CCPG1: variants seen among roughly 807,000 people sequenced by gnomAD.
The protein encoded by CCPG1 is cell cycle progression 1, also known as cell cycle progression protein 1.
In CCPG1, 46 loss-of-function variants were observed where a neutral mutation model predicts 81.3. The ratio of observed to expected loss-of-function variants is 0.57; its 90% CI spans 0.45 to 0.72. The LOEUF is 0.72. Ranked by LOEUF, CCPG1 falls within the 30% of genes least tolerant of loss-of-function variation. The probability of loss-of-function intolerance (pLI) is 0.00; values close to 1 mark genes in which losing one functional copy is unlikely to be tolerated. For synonymous variants in CCPG1, 330 were observed against 305.2 expected (o/e 1.08, Z -0.85); for missense variants, 902 against 937.6 (o/e 0.96, Z 0.50).
chr15:55,363,463 A>C (rs1353070041), intron 7 of CCPG1, among the ~76,000 whole-genome samples: 1 of 150,838 alleles, frequency 6.6e-6, no homozygotes, highest in African/African-American at 2.4e-5. Context: ...CTATGGAACC[A>C]GAAAACACTG....
chr15:55,363,129 C>T (rs2056239725), intron 7 of CCPG1, among the ~76,000 whole-genome samples: 1 of 152,046 alleles, frequency 6.6e-6, no homozygotes, highest in Admixed American at 6.6e-5. Flanking sequence ...AGGCAGATTA[C>T]CTGAGGTCAG....
chr15:55,383,595 T>G (rs1685761132), intron 3 of CCPG1, among the ~76,000 whole-genome samples: 1 of 152,232 alleles, frequency 6.6e-6, no homozygotes, highest in Admixed American at 6.5e-5. Flanking sequence ...AATCTGCTGG[T>G]TGGGGTAGCC....
intron 1 of CCPG1, among the ~76,000 whole-genome samples, chr15:55,405,852 G>GT (rs1303760934): frequency 1.3e-5 from 2 of 152,178 alleles, no homozygotes; most frequent in Non-Finnish European, 2.9e-5. Flanking sequence ...CTTTGCCTGT[G>GT]TTTTTTACTG....
At chr15:55,379,240 G>A (rs1295184760) in intron 3 of CCPG1, among the ~76,000 whole-genome samples, 1 of 149,616 alleles carries the variant, frequency 6.7e-6, no homozygotes, top group Non-Finnish European at 1.5e-5. Context: ...CAAGGACTCA[G>A]GCGGGGTGCA....
intron 8 of CCPG1, chr15:55,357,504 C>T (rs979689736): frequency 3.5e-6 from 3 of 868,918 alleles, no homozygotes; most frequent in Non-Finnish European, 4.1e-6. Flanking sequence ...GTTTCCGTTA[C>T]CTGTGGTCAA....
intron 2 of CCPG1, among the ~76,000 whole-genome samples, chr15:55,389,068 C>CAAAAAAA (rs373917631): frequency 0.011 from 645 of 56,152 alleles, 69 homozygotes; most frequent in African/African-American, 0.031. Context: ...GACTCTGTCT[C>CAAAAAAA]AAAAAAAAAA....
Position 55,355,890 on chromosome 15 carries a change from T to A in CCPG1, c.*330A>T, listed in dbSNP as rs2056068656. 3.2e-6 allele frequency: 1 copy of A among 308,542 alleles called. No homozygotes were observed. The highest frequency in any genetic ancestry group is 5.4e-5 in the South Asian group (1 of 18,426). The allele number at this position is 308,542 out of a possible 1,614,324, so 19.1% of individuals were successfully genotyped here. A position where few individuals can be genotyped will look rare whatever the true frequency, so the allele number is the denominator to read the frequency against. Reference sequence around the variant, plus strand: ...AAACATCAGTGTTAATTACACTTTGTCATGTATGACTGAGCTTGCTTTAAG... The same window carrying A: ...AAACATCAGTGTTAATTACACTTTGACATGTATGACTGAGCTTGCTTTAAG... On this transcript the variant is annotated 3_prime_UTR_variant, in exon 9 of 9. Coordinates refer to ENST00000442196, the MANE Select transcript of CCPG1 (RefSeq NM_001204450.2).
At chr15:55,391,753 G>A (rs189619106) in intron 1 of CCPG1, among the ~76,000 whole-genome samples, 40 of 152,030 alleles carry the variant, frequency 2.6e-4, no homozygotes, top group African/African-American at 9.6e-4. Flanking sequence ...CTACCTGGGA[G>A]ACTGAGGAAG....
chr15:55,387,610 A>T (rs111475303), intron 2 of CCPG1, among the ~76,000 whole-genome samples: 26,878 of 151,044 alleles, frequency 0.18, 4,122 homozygotes, highest in African/African-American at 0.42. Flanking sequence ...AATGGCACGA[A>T]CTCTGCTCAC....
At chr15:55,379,144 G>A (rs998944390) in intron 3 of CCPG1, among the ~76,000 whole-genome samples, 2 of 134,982 alleles carry the variant, frequency 1.5e-5, no homozygotes, top group East Asian at 3.9e-4. Flanking sequence ...ATTTATGAAA[G>A]TATGTATGTA....
intron 3 of CCPG1, among the ~76,000 whole-genome samples, chr15:55,383,651 G>A (rs141651029): frequency 2.1e-3 from 322 of 152,294 alleles, no homozygotes; most frequent in Admixed American, 8.0e-3. Flanking sequence ...AACTTGGTGC[G>A]CCTTCTACAT....
intron 6 of CCPG1, among the ~76,000 whole-genome samples, chr15:55,367,087 A>G (rs1338653427): frequency 1.3e-5 from 2 of 152,226 alleles, no homozygotes; most frequent in African/African-American, 4.8e-5. Context: ...ACTGTTACAT[A>G]GTCTAGCTAT....
At chr15:55,388,439 T>C (rs1029941981) in intron 2 of CCPG1, among the ~76,000 whole-genome samples, 3 of 152,206 alleles carry the variant, frequency 2.0e-5, no homozygotes, top group African/African-American at 7.2e-5. Flanking sequence ...AGTTCTGCTA[T>C]AACGTAAATG....
chr15:55,391,069 C>G (rs1327904255), intron 1 of CCPG1, among the ~76,000 whole-genome samples: 1 of 152,146 alleles, frequency 6.6e-6, no homozygotes, highest in East Asian at 1.9e-4. Flanking sequence ...ATATTAACCA[C>G]GTTTATATCT....
In CCPG1 at chr15:55,381,029, T is replaced by C. The variant is rs181045380; in HGVS notation, c.176-2653A>G. Among the ~76,000 whole-genome samples the C allele has an allele frequency of 2.4e-4, 37 of 151,378 alleles. 1 individual carries two copies. Among genetic ancestry groups the C allele is most frequent in the Admixed American group, 1.3e-3 (20 of 15,204 alleles). The stretch of plus-strand genomic sequence containing the variant: ...GTGGGCACCTGTAGTCCCAGCTACT[T>C]GGGAGGCTGAGGCAGGAGAATGGCG... On this transcript the variant is annotated intron_variant, in intron 3 of 8. Coordinates refer to ENST00000442196, the MANE Select transcript of CCPG1 (RefSeq NM_001204450.2).
At chr15:55,356,567 G>A in intron 8 of CCPG1, 158 bp from the exon 9 acceptor site, 1 of 1,241,908 alleles carries the variant, frequency 8.1e-7, no homozygotes, top group East Asian at 3.0e-5. Context: ...TAAAAATAAA[G>A]GAGTCTGTAT....
chr15:55,374,338 C>G (rs2056515645), intron 5 of CCPG1: 1 of 633,324 alleles, frequency 1.6e-6, no homozygotes, highest in African/African-American at 1.9e-5. Context: ...ACTTAATTAT[C>G]ACTTAACATT....
chr15:55,357,446 C>T (rs975245497), intron 8 of CCPG1: 1 of 985,186 alleles, frequency 1.0e-6, no homozygotes, highest in Non-Finnish European at 1.2e-6. Context: ...AGGCTGCTAC[C>T]AATACATTAG....
chr15:55,360,763 A>G lies in CCPG1; in HGVS notation c.1010T>C (p.Ile337Thr). 1 of 1,612,196 alleles carries G rather than the reference A, an allele frequency of 6.2e-7. No individual in the cohort carries two copies. The highest frequency in any genetic ancestry group is 8.5e-7 in the Non-Finnish European group (1 of 1,179,520). Residue 337 changes from isoleucine (I) to threonine (T), a missense_variant, in exon 8 of 9, where the codon ATA becomes ACA. By Grantham distance (89) the Ile-to-Thr change is moderately conservative. Transcript: ENST00000442196. ...AGTACTTGTCCCTTTATCTTCCAAT[A>G]TTCTAATCTGTTCTCTTAGTTTGTT... ...ELNKLREQIR[I>T]LEDKGTSTEL...
Sources: allele counts gnomAD v4.1 joint callset (sites outside exome capture counted in the v4.1 genomes callset), GRCh38; gene constraint gnomAD v4.1.1; transcripts MANE v1.5; gene names NCBI Gene and HGNC (gene_info 2026-07-23, HGNC 2026-07-21).